The following CLEC16A variants were observed in gnomAD, a reference collection of about 807,000 sequenced individuals.
CLEC16A encodes protein CLEC16A.
Under a neutral mutation model 109.5 loss-of-function variants are expected in CLEC16A, and 51 were observed. The observed-to-expected ratio is 0.47, with a 90% confidence interval of 0.37 to 0.59. The LOEUF is 0.59. Ranked by LOEUF, CLEC16A falls within the 20% of genes least tolerant of loss-of-function variation. The pLI is 0.00. For missense variants in CLEC16A, 1,339 were observed against 1,394.0 expected, an observed-to-expected ratio of 0.96 and a Z score of 0.63; for synonymous variants, 673 against 564.2, an observed-to-expected ratio of 1.19 and a Z score of -2.73.
At chr16:11,138,362 C>G (rs77011354) in intron 22 of CLEC16A, among the ~76,000 whole-genome samples, 1 of 152,082 alleles carries the variant, frequency 6.6e-6, no homozygotes, top group Non-Finnish European at 1.5e-5. Context: ...TCAGCAGGGC[C>G]CGATAGCAAA....
intron 22 of CLEC16A, among the ~76,000 whole-genome samples, chr16:11,146,265 A>G (rs1414456031): frequency 2.0e-5 from 3 of 152,074 alleles, no homozygotes; most frequent in African/African-American, 7.2e-5. Flanking sequence ...CTACTCCTTG[A>G]CTGGCCCTGC....
intron 22 of CLEC16A, among the ~76,000 whole-genome samples, chr16:11,156,073 C>T (rs952137037): frequency 1.3e-5 from 2 of 152,044 alleles, no homozygotes; most frequent in East Asian, 1.9e-4. Flanking sequence ...AAGAATCTGG[C>T]GCTCCTGGCC....
chr16:10,951,268 C>T (rs2041716538), intron 1 of CLEC16A, among the ~76,000 whole-genome samples: 1 of 152,170 alleles, frequency 6.6e-6, no homozygotes, highest in Non-Finnish European at 1.5e-5. Context: ...TGCAGAGCTC[C>T]TGCTGGGGAT....
At chr16:11,126,349 T>G in intron 22 of CLEC16A, 4 of 1,460,970 alleles carry the variant, frequency 2.7e-6, no homozygotes, top group Non-Finnish European at 3.6e-6. Flanking sequence ...CCTTTAGTGT[T>G]TGGTTTGGTT....
In CLEC16A at chr16:11,043,000, T is replaced by TATATGTAAATGAAACATCTATTTAC. The variant is rs1165260540; in HGVS notation, c.1770+652_1770+676dup. ...TAATATGTAAATATGTACATGTGAATATATGTAAATGAAACATCTATTTAC... is the reference window on the plus strand; with the variant it reads ...TAATATGTAAATATGTACATGTGAATATATGTAAATGAAACATCTATTTACATATGTAAATGAAACATCTATTTAC... On this transcript the variant is annotated intron_variant, in intron 15 of 23. Coordinates refer to ENST00000409790, the MANE Select transcript of CLEC16A (RefSeq NM_015226.3). 4.6e-5 allele frequency among the ~76,000 whole-genome samples: 7 copies of TATATGTAAATGAAACATCTATTTAC among 151,862 alleles called. No individual in the cohort carries two copies. The East Asian group carries it at 1.4e-3, about 29-fold the overall frequency.
In CLEC16A at chr16:11,113,874, C is replaced by T. The variant is rs780988085; in HGVS notation, c.2117-6741C>T. ...TGACTCTTCACAGTCTTTTAGCCCACGCGTGTGAGTGTTTTTCTTGGGAAC... is the reference window on the plus strand; with the variant it reads ...TGACTCTTCACAGTCTTTTAGCCCATGCGTGTGAGTGTTTTTCTTGGGAAC... On this transcript the variant is annotated intron_variant, in intron 19 of 23. Coordinates refer to ENST00000409790, the MANE Select transcript of CLEC16A (RefSeq NM_015226.3). Among the ~76,000 whole-genome samples, 10 of 152,160 alleles carry T rather than the reference C, an allele frequency of 6.6e-5. 1 individual carries two copies. The highest frequency in any genetic ancestry group is 2.1e-4 in the South Asian group (1 of 4,826).
chr16:10,991,832 A>G (rs548053922), intron 10 of CLEC16A, among the ~76,000 whole-genome samples: 1 of 152,246 alleles, frequency 6.6e-6, no homozygotes, highest in Non-Finnish European at 1.5e-5. Flanking sequence ...CACTTGAGCA[A>G]GAAGGGAGCA....
Position 11,009,863 on chromosome 16 carries a change from G to T in CLEC16A, c.1303+6558G>T, listed in dbSNP as rs1425530384. On this transcript the variant is annotated intron_variant, in intron 11 of 23. Coordinates refer to ENST00000409790, the MANE Select transcript of CLEC16A (RefSeq NM_015226.3). ...TAGATGGTACAGGGAGAGCCTTAAAGAATATGGTGGCCAGGCGCAGTGGCT... is the reference window on the plus strand; with the variant it reads ...TAGATGGTACAGGGAGAGCCTTAAATAATATGGTGGCCAGGCGCAGTGGCT... 2.6e-5 allele frequency among the ~76,000 whole-genome samples: 4 copies of T among 152,248 alleles called. No individual in the cohort carries two copies. In the East Asian group the frequency reaches 7.7e-4, roughly 29 times the overall value.
chr16:11,160,680 T>C (rs1297697047), intron 22 of CLEC16A, among the ~76,000 whole-genome samples: 1 of 152,232 alleles, frequency 6.6e-6, no homozygotes, highest in Non-Finnish European at 1.5e-5. Flanking sequence ...CAGTTAAGAT[T>C]AAGTTCAACT....
intron 1 of CLEC16A, among the ~76,000 whole-genome samples, chr16:10,947,646 G>C (rs1185528837): frequency 2.6e-5 from 4 of 152,102 alleles, no homozygotes; most frequent in Non-Finnish European, 5.9e-5. Context: ...TGACACTTCG[G>C]GTGACCAACC....
intron 10 of CLEC16A, among the ~76,000 whole-genome samples, chr16:10,998,621 G>A (rs8061306): frequency 0.18 from 27,702 of 152,108 alleles, 2,755 homozygotes; most frequent in South Asian, 0.29. Flanking sequence ...TTTAGCTCCT[G>A]AGAAAGTTTG....
In CLEC16A at chr16:10,969,282, C is replaced by G. The variant is rs1378404152; in HGVS notation, c.465C>G (p.Asn155Lys). The G allele has an allele frequency of 1.9e-6, 3 of 1,611,270 alleles. No homozygotes were observed. The African/African-American group carries it at 4.0e-5, about 22-fold the overall frequency. ...FLKTLSLKLN[N>K]HTVHFFYNEH... ...AAACACTTTCGTTAAAACTCAACAA[C>G]CACACTGTCCATTTCTTTTATAATG... Residue 155 changes from asparagine to lysine, a missense_variant, in exon 4 of 24, where the codon AAC becomes AAG. This residue lies in a region of CLEC16A where 161 missense variants were observed against 267.1 expected (regional missense o/e 0.60). Transcript: ENST00000409790.
rs146177670 is a variant in CLEC16A, at chr16:11,002,241, C to CA, written c.1072-832dup. 2.3e-3 allele frequency among the ~76,000 whole-genome samples: 354 copies of CA among 152,308 alleles called. 4 individuals carry two copies. The highest frequency in any genetic ancestry group is 8.0e-3 in the African/African-American group (333 of 41,562). On this transcript the variant is annotated intron_variant, in intron 10 of 23. Coordinates refer to ENST00000409790, the MANE Select transcript of CLEC16A (RefSeq NM_015226.3). ...TAAAGTTCAAGTGAGATCATATAGT[C>CA]AGAGCCTGAGAACAGCATCTGACAC...
At chr16:11,035,708 G>C (rs1342546343) in intron 13 of CLEC16A, among the ~76,000 whole-genome samples, 1 of 152,248 alleles carries the variant, frequency 6.6e-6, no homozygotes, top group Non-Finnish European at 1.5e-5. Flanking sequence ...CATTTCTTCA[G>C]AGCTTACCAT....
intron 14 of CLEC16A, chr16:11,041,948 T>A: frequency 1.7e-5 from 5 of 288,718 alleles, no homozygotes; most frequent in Non-Finnish European, 3.3e-5. Context: ...CTAAAGGAAG[T>A]GGGGGTGCAG....
chr16:11,036,485 CTG>C (rs1167895239), intron 13 of CLEC16A, among the ~76,000 whole-genome samples: 3 of 151,376 alleles, frequency 2.0e-5, no homozygotes, highest in East Asian at 3.9e-4. Flanking sequence ...TTTGGGCTGT[CTG>C]TAGCTTGATT....
At chr16:10,982,357 G>T (rs140253062) in intron 9 of CLEC16A, among the ~76,000 whole-genome samples, 1 of 152,056 alleles carries the variant, frequency 6.6e-6, no homozygotes, top group African/African-American at 2.4e-5. Context: ...TGGAATCCCC[G>T]TGTGCTAAAA....
intron 22 of CLEC16A, among the ~76,000 whole-genome samples, chr16:11,139,123 TGTGTGTCTTGTGG>T (rs1345406971): frequency 6.6e-6 from 1 of 152,158 alleles, no homozygotes; most frequent in African/African-American, 2.4e-5. Flanking sequence ...CAACAGTCCT[TGTGTGTCTTGTGG>T]GTCTTGTTCT....
chr16:11,173,911 C>T (rs900260081), intron 23 of CLEC16A, among the ~76,000 whole-genome samples: 2 of 152,136 alleles, frequency 1.3e-5, no homozygotes, highest in African/African-American at 4.8e-5. Flanking sequence ...CACGAGTGAA[C>T]AATTTGGTTC....
Sources: gnomAD v4.1 joint callset for allele counts (sites outside exome capture counted in the v4.1 genomes callset) on GRCh38, gnomAD v4.1.1 for gene constraint, gnomAD v4.1.1 regional missense constraint, MANE v1.5 for transcripts, NCBI Gene and HGNC (gene_info 2026-07-23, HGNC 2026-07-21) for gene names.